Variants in FAM81A observed in about 807,000 individuals in gnomAD.
FAM81A encodes the protein family with sequence similarity 81 member A.
FAM81A carries 19 observed loss-of-function variants against 46.7 expected under a neutral mutation model. The ratio of observed to expected loss-of-function variants is 0.41; its 90% CI spans 0.28 to 0.60. The LOEUF (loss-of-function observed/expected upper bound fraction) is 0.60, where lower values mean the gene tolerates loss of function less well. Among genes scored for constraint, FAM81A ranks in the 20% least tolerant of loss-of-function variants. The pLI is 0.34. For synonymous variants in FAM81A, 183 were observed against 152.9 expected (o/e 1.20, Z -1.45); for missense variants, 377 against 453.5 (o/e 0.83, Z 1.53).
At chr15:59,446,621 G>A (rs2081356703) in intron 1 of FAM81A, 1 of 152,184 alleles carries the variant, frequency 6.6e-6, no homozygotes, top group Non-Finnish European at 1.5e-5. Context: ...CTTGCTAAGT[G>A]GACTCAAGGC....
rs1173923272 is a variant in FAM81A, at chr15:59,516,709, A to C, written c.851A>C (p.Glu284Ala). 6.2e-7 allele frequency: 1 copy of C among 1,613,796 alleles called. No homozygotes were observed. The highest frequency in any genetic ancestry group is 8.5e-7 in the Non-Finnish European group (1 of 1,179,814). The stretch of plus-strand genomic sequence containing the variant: ...ATGTCAGCCAGGCTTGACAAAATAG[A>C]AGAGGGTCAAAAGAAGACTTTTGAT... ...SQMSARLDKIEEGQKKTFDGQ... is the reference protein window; with the variant it reads ...SQMSARLDKIAEGQKKTFDGQ... Residue 284 changes from glutamate to alanine, a missense_variant, in exon 8 of 9, where the codon GAA (glutamate) becomes GCA (alanine). Transcript: ENST00000288228.
chr15:59,495,242 G>C (rs2082021663), intron 4 of FAM81A, among the ~76,000 whole-genome samples: 1 of 152,130 alleles, frequency 6.6e-6, no homozygotes, highest in African/African-American at 2.4e-5. Flanking sequence ...TACATTCTCT[G>C]TCTGATGGAT....
chr15:59,416,678 A>G (rs1305699215), intron 2 of FAM81A, among the ~76,000 whole-genome samples: 2 of 152,104 alleles, frequency 1.3e-5, no homozygotes, highest in Non-Finnish European at 2.9e-5. Context: ...ACACCCACAC[A>G]TACGACAAAG....
intron 2 of FAM81A, among the ~76,000 whole-genome samples, chr15:59,410,931 A>G (rs1462859802): frequency 6.6e-6 from 1 of 152,052 alleles, no homozygotes; most frequent in Non-Finnish European, 1.5e-5. Context: ...TTGTATTTTT[A>G]GTAGAGACGG....
At chr15:59,477,145 A>G (rs1193248278) in intron 3 of FAM81A, among the ~76,000 whole-genome samples, 4 of 151,908 alleles carry the variant, frequency 2.6e-5, no homozygotes, top group African/African-American at 9.7e-5. Context: ...AAAAACAAAC[A>G]GAAAACAAAA....
intron 2 of FAM81A, among the ~76,000 whole-genome samples, chr15:59,431,205 T>C (rs1427410064): frequency 1.3e-5 from 2 of 152,134 alleles, no homozygotes; most frequent in Non-Finnish European, 1.5e-5. Flanking sequence ...TCTTTTGTCA[T>C]AGTCCTAACA....
intron 3 of FAM81A, among the ~76,000 whole-genome samples, chr15:59,472,540 T>A (rs1174232874): frequency 6.9e-6 from 1 of 145,414 alleles, no homozygotes; most frequent in Non-Finnish European, 1.5e-5. Context: ...CTGTTGATTA[T>A]GTGTTCCTTT....
At chr15:59,436,201 C>G (rs552361409), upstream of FAM81A, among the ~76,000 whole-genome samples, 1 of 152,202 alleles carries the variant, frequency 6.6e-6, no homozygotes, top group Non-Finnish European at 1.5e-5. Context: ...CCTTCCAGGT[C>G]CTCTCCTTCC....
At chr15:59,498,258 C>T (rs2082055106) in intron 4 of FAM81A, among the ~76,000 whole-genome samples, 1 of 152,178 alleles carries the variant, frequency 6.6e-6, no homozygotes. Flanking sequence ...AAATTTCACA[C>T]TTCTTTAAAT....
At chr15:59,500,405 C>T (rs2082079131) in intron 4 of FAM81A, among the ~76,000 whole-genome samples, 1 of 152,078 alleles carries the variant, frequency 6.6e-6, no homozygotes, top group African/African-American at 2.4e-5. Flanking sequence ...TCAAGCGACC[C>T]CCCAACTTTA....
chr15:59,460,207 G>T lies in FAM81A; in HGVS notation c.294+1G>T. ...GAAGCAACTTAATCGGGATATCGAG[G>T]TAAGGTTTGTGAAAGTCAGGTGGCC... On this transcript the variant is annotated splice_donor_variant, in intron 3 of 8. Transcript: ENST00000288228. LOFTEE classifies it high-confidence loss of function. This position sits in a 1 kb window ranked among gnomAD's most constrained non-coding sequence, Gnocchi z 4.4. The T allele has an allele frequency of 6.2e-7, 1 of 1,614,024 alleles. No homozygotes were observed. Among genetic ancestry groups the T allele is most frequent in the Non-Finnish European group, 8.5e-7 (1 of 1,179,890 alleles).
At chr15:59,470,676 T>G (rs1323374813) in intron 3 of FAM81A, among the ~76,000 whole-genome samples, 1 of 152,160 alleles carries the variant, frequency 6.6e-6, no homozygotes, top group Non-Finnish European at 1.5e-5. Flanking sequence ...GAGAACTTTG[T>G]TATTACTGAC....
At chr15:59,515,823 C>G (rs2082260292) in intron 7 of FAM81A, among the ~76,000 whole-genome samples, 1 of 152,068 alleles carries the variant, frequency 6.6e-6, no homozygotes, top group Non-Finnish European at 1.5e-5. Context: ...ATAATAGTGG[C>G]TTTCATGAAA....
At chr15:59,414,896 A>G (rs1421741585) in intron 2 of FAM81A, among the ~76,000 whole-genome samples, 1 of 151,886 alleles carries the variant, frequency 6.6e-6, no homozygotes, top group Non-Finnish European at 1.5e-5. Context: ...GCTCACTGCA[A>G]GCTCCGCCTC....
At chr15:59,430,651 T>C (rs1397054235) in intron 2 of FAM81A, among the ~76,000 whole-genome samples, 1 of 152,218 alleles carries the variant, frequency 6.6e-6, no homozygotes, top group African/African-American at 2.4e-5. Context: ...GAAACCACAC[T>C]GTGACAATGT....
At chr15:59,487,474 T>G (rs1384774413) in intron 3 of FAM81A, among the ~76,000 whole-genome samples, 1 of 151,384 alleles carries the variant, frequency 6.6e-6, no homozygotes, top group Non-Finnish European at 1.5e-5. Context: ...AACAAAAAGT[T>G]GGGTTTTTGA....
intron 4 of FAM81A, among the ~76,000 whole-genome samples, chr15:59,502,527 G>A (rs896342981): frequency 2.5e-4 from 37 of 147,966 alleles, no homozygotes; most frequent in Non-Finnish European, 4.8e-4. Context: ...GTGTGTGTGT[G>A]TTTTGAGACA....
chr15:59,521,451 C>G lies in FAM81A; in HGVS notation c.*73C>G. 1 of 1,499,556 alleles carries G rather than the reference C, an allele frequency of 6.7e-7. No homozygotes were observed. The highest frequency in any genetic ancestry group is 2.5e-5 in the East Asian group (1 of 40,172). 92.9% of individuals were successfully genotyped at this position (1,499,556 alleles called of 1,614,324 possible). A position where few individuals can be genotyped will look rare whatever the true frequency, so the allele number is the denominator to read the frequency against. ...GGAGCCGGATACCTCTGTAGCCAGG[C>G]CATCGCTGCATTCAGGATTGTTCCA... On this transcript the variant is annotated 3_prime_UTR_variant, in exon 9 of 9. Coordinates refer to ENST00000288228, the MANE Select transcript of FAM81A (RefSeq NM_152450.3).
chr15:59,461,974 C>T (rs1161552617), intron 3 of FAM81A, among the ~76,000 whole-genome samples: 3 of 152,228 alleles, frequency 2.0e-5, no homozygotes, highest in African/African-American at 4.8e-5. Flanking sequence ...GAGGCCGAGG[C>T]AGGTGGATCA....
Sources: allele counts gnomAD v4.1 joint callset (sites outside exome capture counted in the v4.1 genomes callset), GRCh38; gene constraint gnomAD v4.1.1; non-coding constraint Gnocchi (gnomAD v3.1); transcripts MANE v1.5; gene names NCBI Gene and HGNC (gene_info 2026-07-23, HGNC 2026-07-21).